Variants in MOB3B observed in about 807,000 individuals in gnomAD.
The protein encoded by MOB3B is MOB kinase activator 3B.
Under a neutral mutation model 18.7 loss-of-function variants are expected in MOB3B, and 7 were observed. The ratio of observed to expected loss-of-function variants is 0.37; its 90% CI spans 0.21 to 0.70. The LOEUF is 0.70. Among genes scored for constraint, MOB3B ranks in the 30% least tolerant of loss-of-function variants. The probability of loss-of-function intolerance (pLI) is 0.52; values close to 1 mark genes in which losing one functional copy is unlikely to be tolerated. For missense variants in MOB3B, 253 were observed against 281.3 expected (o/e 0.90, Z 0.72); for synonymous variants, 111 against 99.9 (o/e 1.11, Z -0.66).
At chr9:27,456,563 T>C (rs747283756) in intron 1 of MOB3B, among the ~76,000 whole-genome samples, 25 of 152,248 alleles carry the variant, frequency 1.6e-4, no homozygotes, top group Non-Finnish European at 2.5e-4. Flanking sequence ...TCACATTTCC[T>C]GAATTAGTCA....
intron 2 of MOB3B, among the ~76,000 whole-genome samples, chr9:27,430,033 A>T (rs1822395103): frequency 6.6e-6 from 1 of 152,172 alleles, no homozygotes; most frequent in Admixed American, 6.5e-5. Flanking sequence ...TGGTCTGCTG[A>T]GGGTGCCACT....
chr9:27,500,310 G>A (rs551621213), intron 1 of MOB3B, among the ~76,000 whole-genome samples: 6 of 152,078 alleles, frequency 3.9e-5, no homozygotes, highest in Non-Finnish European at 7.4e-5. Context: ...TTATCATGCT[G>A]TCCAAATTAT....
intron 1 of MOB3B, among the ~76,000 whole-genome samples, chr9:27,461,792 A>T (rs116405866): frequency 0.012 from 1,752 of 152,336 alleles, 34 homozygotes; most frequent in African/African-American, 0.039. Flanking sequence ...TAGCAGCAGC[A>T]ACAGCTACAA....
intron 2 of MOB3B, among the ~76,000 whole-genome samples, chr9:27,362,611 G>A (rs972120139): frequency 2.0e-5 from 3 of 152,024 alleles, no homozygotes; most frequent in Non-Finnish European, 4.4e-5. Context: ...AGCTGCAAAC[G>A]GTTCAAGTTG....
At position 27,426,237 on chromosome 9, in the gene MOB3B, C is replaced by T. The variant is rs189194527; in HGVS notation, c.418+28896G>A. ...GAGCCCACACTCTTAATTTGTTTAA[C>T]TTGGTATAAATAAAGTCATGTACAT... On this transcript the variant is annotated intron_variant, in intron 2 of 3. Transcript: ENST00000262244. Among the ~76,000 whole-genome samples the T allele has an allele frequency of 7.9e-5, 12 of 152,292 alleles. No individual in the cohort carries two copies. In the East Asian group the frequency reaches 2.3e-3, roughly 29 times the overall value.
intron 2 of MOB3B, among the ~76,000 whole-genome samples, chr9:27,384,401 A>G (rs1267771896): frequency 6.6e-6 from 1 of 152,152 alleles, no homozygotes; most frequent in Non-Finnish European, 1.5e-5. Context: ...CAGAGATGGG[A>G]CTGAGGAGAT....
At chr9:27,509,297 G>A (rs1820102416) in intron 1 of MOB3B, among the ~76,000 whole-genome samples, 1 of 152,016 alleles carries the variant, frequency 6.6e-6, no homozygotes. Context: ...AGGAAGACAG[G>A]GAGAGAGAGG....
chr9:27,383,590 T>C (rs943672701), intron 2 of MOB3B, among the ~76,000 whole-genome samples: 1 of 152,178 alleles, frequency 6.6e-6, no homozygotes, highest in South Asian at 2.1e-4. Context: ...GACAAGCTGC[T>C]TTTTTATATG....
chr9:27,382,201 T>C (rs191912437), intron 2 of MOB3B, among the ~76,000 whole-genome samples: 91 of 152,302 alleles, frequency 6.0e-4, no homozygotes, highest in African/African-American at 2.1e-3. Context: ...TTGCCACCAC[T>C]TTGTACTAGG....
At chr9:27,451,795 G>T (rs1484533132) in intron 2 of MOB3B, among the ~76,000 whole-genome samples, 2 of 152,150 alleles carry the variant, frequency 1.3e-5, no homozygotes, top group Admixed American at 6.5e-5. Context: ...TTATCTCCAT[G>T]ATAATGACTC....
intron 2 of MOB3B, chr9:27,397,398 A>G (rs1199878945): frequency 6.6e-6 from 1 of 152,188 alleles, no homozygotes. Context: ...GAGTTAATAC[A>G]TAGAAAACAA....
At chr9:27,342,747 T>C (rs1008488570) in intron 3 of MOB3B, among the ~76,000 whole-genome samples, 10 of 151,696 alleles carry the variant, frequency 6.6e-5, no homozygotes, top group Admixed American at 1.3e-4. Flanking sequence ...GGATTGCAGA[T>C]GGAGTCTCGC....
intron 3 of MOB3B, among the ~76,000 whole-genome samples, chr9:27,352,535 C>T (rs1821120534): frequency 6.6e-6 from 1 of 152,124 alleles, no homozygotes; most frequent in Non-Finnish European, 1.5e-5. Flanking sequence ...GGGTGTCTGT[C>T]ATATGATGAT....
At position 27,433,053 on chromosome 9, in the gene MOB3B, AT is replaced by A. The variant is rs201266096; in HGVS notation, c.418+22079del. 4.7e-3 allele frequency among the ~76,000 whole-genome samples: 696 copies of A among 147,236 alleles called. 11 individuals carry two copies. The highest frequency in any genetic ancestry group is 0.033 in the East Asian group (166 of 5,046). ...AATCAACATCTTTATTTCAGGAACT[AT>A]TTTTTTTTTTCTAAATGAGATTTGC... On this transcript the variant is annotated intron_variant, in intron 2 of 3. Transcript: ENST00000262244.
intron 1 of MOB3B, among the ~76,000 whole-genome samples, chr9:27,501,473 CATCATTCT>C (rs1321255983): frequency 6.6e-6 from 1 of 151,936 alleles, no homozygotes; most frequent in Non-Finnish European, 1.5e-5. Flanking sequence ...AGCTGGCAAC[CATCATTCT>C]GAGCAAACTA....
intron 2 of MOB3B, among the ~76,000 whole-genome samples, chr9:27,373,714 G>A (rs949390584): frequency 3.3e-5 from 5 of 152,120 alleles, no homozygotes; most frequent in African/African-American, 7.2e-5. Context: ...CATTGGCTCC[G>A]AAGAGAAACT....
intron 2 of MOB3B, among the ~76,000 whole-genome samples, chr9:27,386,484 G>A (rs1053912180): frequency 1.3e-4 from 20 of 152,182 alleles, no homozygotes; most frequent in South Asian, 4.1e-4. Context: ...GCAAATTTTC[G>A]ATCTTCTCAG....
intron 2 of MOB3B, among the ~76,000 whole-genome samples, chr9:27,403,131 A>G (rs1273454031): frequency 6.6e-6 from 1 of 152,226 alleles, no homozygotes; most frequent in Non-Finnish European, 1.5e-5. Context: ...GGAAAGCAGG[A>G]AAGATCCTGG....
chr9:27,529,777 T>G lies in MOB3B; in HGVS notation c.-421A>C, dbSNP rs1820502799. The G allele has an allele frequency of 3.0e-6, 3 of 985,252 alleles. No homozygotes were observed. Among genetic ancestry groups the G allele is most frequent in the African/African-American group, 1.7e-5 (1 of 57,258 alleles). 61.0% of individuals were successfully genotyped at this position (985,252 alleles called of 1,614,324 possible). The stretch of plus-strand genomic sequence containing the variant: ...CCGTCGCTCCGGAGCAGCCCCCTCA[T>G]GCACCCAGCGCGCCGCGCAGCCGGC... On this transcript the variant is annotated 5_prime_UTR_variant, in exon 1 of 4. It removes an upstream start codon present in the reference 5' UTR. Coordinates refer to ENST00000262244, the MANE Select transcript of MOB3B (RefSeq NM_024761.5).
Sources: gnomAD v4.1 joint callset for allele counts (sites outside exome capture counted in the v4.1 genomes callset) on GRCh38, gnomAD v4.1.1 for gene constraint, MANE v1.5 for transcripts, NCBI Gene and HGNC (gene_info 2026-07-23, HGNC 2026-07-21) for gene names.